SAMMSON: variants seen among roughly 807,000 people sequenced by gnomAD.
SAMMSON encodes the protein survival associated mitochondrial melanoma specific oncogenic non-coding RNA.
intron 3 of SAMMSON, among the ~76,000 whole-genome samples, chr3:70,066,786 G>T (rs1359370749): frequency 6.6e-6 from 1 of 152,068 alleles, no homozygotes; most frequent in African/African-American, 2.4e-5. Context: ...ACAGCAGGTA[G>T]GGGCGGCTTT....
In SAMMSON at chr3:70,087,105, G is replaced by A. The variant is rs1559788398; in HGVS notation, n.507+15540G>A. On this transcript the variant is annotated intron_variant and non_coding_transcript_variant, in intron 4 of 9. Transcript: ENST00000642114. ...AACTGGCCTTTGCTTTCTCCAGGAG[G>A]ACACTGAGGATTCACTATATTGAAG... Among the ~76,000 whole-genome samples, 8 of 152,206 alleles carry A rather than the reference G, an allele frequency of 5.3e-5. No individual in the cohort carries two copies. The South Asian group carries it at 1.7e-3, about 32-fold the overall frequency.
intron 8 of SAMMSON, among the ~76,000 whole-genome samples, chr3:70,356,279 AG>A (rs1702828811): frequency 6.6e-6 from 1 of 152,240 alleles, no homozygotes; most frequent in African/African-American, 2.4e-5. Context: ...ATAATATAAA[AG>A]TTACCTATTA....
chr3:70,377,830 C>T (rs1006286268), intron 9 of SAMMSON, among the ~76,000 whole-genome samples: 5 of 151,238 alleles, frequency 3.3e-5, no homozygotes, highest in African/African-American at 1.2e-4. Context: ...TATGAATAGG[C>T]AATTGACAGG....
At chr3:70,025,366 T>C (rs1192554941) in intron 3 of SAMMSON, among the ~76,000 whole-genome samples, 5 of 152,138 alleles carry the variant, frequency 3.3e-5, no homozygotes, top group Non-Finnish European at 7.3e-5. Context: ...TGCCTCAGCC[T>C]CTTGAGTAGC....
intron 7 of SAMMSON, among the ~76,000 whole-genome samples, chr3:70,307,281 C>G (rs894486206): frequency 2.6e-5 from 4 of 152,130 alleles, no homozygotes; most frequent in African/African-American, 9.7e-5. Flanking sequence ...TTTCCAGTTT[C>G]TCCTGAAAAA....
At chr3:70,284,593 T>C (rs1282673940) in intron 6 of SAMMSON, among the ~76,000 whole-genome samples, 2 of 152,130 alleles carry the variant, frequency 1.3e-5, no homozygotes, top group Non-Finnish European at 2.9e-5. Context: ...TCATGTCCTT[T>C]GCAAGGACTG....
chr3:70,031,682 G>GA (rs61145346), intron 3 of SAMMSON, among the ~76,000 whole-genome samples: 17 of 151,358 alleles, frequency 1.1e-4, no homozygotes, highest in South Asian at 2.1e-4. Flanking sequence ...ATTTTTGCAG[G>GA]AAAAAAAAAT....
downstream of SAMMSON, among the ~76,000 whole-genome samples, chr3:70,391,376 G>T (rs967806639): frequency 1.3e-5 from 2 of 152,004 alleles, no homozygotes; most frequent in African/African-American, 4.8e-5. Context: ...CATAATATTT[G>T]GTTGTATTTT....
chr3:70,089,779 G>A (rs546951466), intron 4 of SAMMSON, among the ~76,000 whole-genome samples: 3 of 152,088 alleles, frequency 2.0e-5, no homozygotes, highest in South Asian at 2.1e-4. Flanking sequence ...GATAATTTTC[G>A]CAAGGTTTAA....
chr3:70,315,691 T>C (rs894736858), intron 7 of SAMMSON, among the ~76,000 whole-genome samples: 9 of 152,080 alleles, frequency 5.9e-5, no homozygotes, highest in Non-Finnish European at 1.2e-4. Context: ...ATTTAGTCTC[T>C]TGAGATGGGC....
At chr3:70,045,136 A>T (rs1210186497) in intron 3 of SAMMSON, among the ~76,000 whole-genome samples, 5 of 130,150 alleles carry the variant, frequency 3.8e-5, no homozygotes, top group Non-Finnish European at 7.9e-5. Flanking sequence ...ATAATATATT[A>T]TAATTTATAT....
rs59107850 is a variant in SAMMSON, at chr3:70,154,094, C to CT, written n.507+82539dup. ...ATACCAAAATACTCCTTGAAACTGACTTTTTTTTTTCCAGCACAGTGTTAG... is the reference window on the plus strand; with the variant it reads ...ATACCAAAATACTCCTTGAAACTGACTTTTTTTTTTTCCAGCACAGTGTTAG... On this transcript the variant is annotated intron_variant and non_coding_transcript_variant, in intron 4 of 9. Transcript: ENST00000642114. Among the ~76,000 whole-genome samples, 442 of 148,898 alleles carry CT rather than the reference C, an allele frequency of 3.0e-3. 4 individuals carry two copies. Among genetic ancestry groups the CT allele is most frequent in the African/African-American group, 9.9e-3 (403 of 40,666 alleles).
chr3:70,069,081 CG>C (rs1396936215), intron 3 of SAMMSON: 1 of 151,986 alleles, frequency 6.6e-6, no homozygotes, highest in African/African-American at 2.4e-5. Context: ...CAAGATTTTG[CG>C]GGGATGCCTA....
chr3:70,126,280 G>C lies in SAMMSON; in HGVS notation n.507+54715G>C. On this transcript the variant is annotated intron_variant and non_coding_transcript_variant, in intron 4 of 9. Coordinates refer to ENST00000642114, the Ensembl canonical transcript of SAMMSON. ...CTTTTTTTTTTTTTTTCAGAGACTGGAGTGGGACATGGGGAGTGAACTTGA... is the reference window on the plus strand; with the variant it reads ...CTTTTTTTTTTTTTTTCAGAGACTGCAGTGGGACATGGGGAGTGAACTTGA... 3.8e-6 allele frequency: 4 copies of C among 1,065,228 alleles called. No individual in the cohort carries two copies. In the South Asian group the frequency reaches 4.1e-5, roughly 11 times the overall value. 66.0% of individuals were successfully genotyped at this position (1,065,228 alleles called of 1,614,324 possible).
chr3:70,432,680 G>A (rs1701423971), intron 2 of SAMMSON, among the ~76,000 whole-genome samples: 2 of 151,968 alleles, frequency 1.3e-5, no homozygotes, highest in Admixed American at 1.3e-4. Flanking sequence ...AAAGTTCATG[G>A]TTTACATTAG....
chr3:70,377,509 A>G (rs1411171326), intron 9 of SAMMSON, among the ~76,000 whole-genome samples: 1 of 152,136 alleles, frequency 6.6e-6, no homozygotes, highest in African/African-American at 2.4e-5. Flanking sequence ...TGGGTAAAAG[A>G]TTAAATTTTT....
At chr3:70,365,183 T>C (rs922782455) in intron 9 of SAMMSON, among the ~76,000 whole-genome samples, 1 of 151,780 alleles carries the variant, frequency 6.6e-6, no homozygotes, top group Non-Finnish European at 1.5e-5. Flanking sequence ...AAATGCTCCA[T>C]GCTTTTCTTA....
intron 6 of SAMMSON, among the ~76,000 whole-genome samples, chr3:70,265,403 T>C (rs574003953): frequency 1.3e-5 from 2 of 152,232 alleles, no homozygotes; most frequent in South Asian, 4.1e-4. Flanking sequence ...AAGATGGAGA[T>C]TGCAGAGAAG....
At chr3:70,015,675 ATT>A (rs1300294418) in intron 3 of SAMMSON, among the ~76,000 whole-genome samples, 5,314 of 151,954 alleles carry the variant, frequency 0.035, 308 homozygotes, top group African/African-American at 0.12. Context: ...TTAACTCGTC[ATT>A]TACTTTAGGT....
Sources: allele counts gnomAD v4.1 joint callset (sites outside exome capture counted in the v4.1 genomes callset), GRCh38; gene constraint gnomAD v4.1.1; transcripts MANE v1.5; gene names NCBI Gene and HGNC (gene_info 2026-07-23, HGNC 2026-07-21).